USP9Y: variants seen among roughly 807,000 people sequenced by gnomAD.
USP9Y encodes ubiquitin specific peptidase 9 Y-linked.
USP9Y carries 41 observed loss-of-function variants against 53.1 expected under a neutral mutation model. The ratio of observed to expected loss-of-function variants is 0.77; its 90% CI spans 0.60 to 1.00. The LOEUF is 1.00. Among genes scored for constraint, USP9Y ranks in the 50% least tolerant of loss-of-function variants. The pLI is 0.00. For synonymous variants in USP9Y, 220 were observed against 173.7 expected (o/e 1.27, Z -2.09); for missense variants, 567 against 535.8 (o/e 1.06, Z -0.58).
rs58915173 is a variant in USP9Y at position 12,859,330 on chromosome Y, A to C, written c.7582A>C (p.Asn2528His). 6.8e-5 allele frequency: 27 copies of C among 396,116 alleles called. No homozygotes were observed. Among genetic ancestry groups the C allele is most frequent in the Middle Eastern group, 5.9e-4 (1 of 1,703 alleles). The change falls in exon 46 of 46, where the codon AAC (asparagine) becomes CAC (histidine). Residue 2528 changes from asparagine to histidine, a missense_variant. Transcript: ENST00000338981. ...TACAGGACCAGCAGCACATCACTTGAACAACCCTCAGAAAACAGGCCAACG... is the reference window on the plus strand; with the variant it reads ...TACAGGACCAGCAGCACATCACTTGCACAACCCTCAGAAAACAGGCCAACG... ...PYTGPAAHHL[N>H]NPQKTGQRTQ...
At chrY:12,845,258 A>G in intron 39 of USP9Y, among the ~76,000 whole-genome samples, 1 of 33,377 alleles carries the variant, frequency 3.0e-5, no homozygotes, top group Admixed American at 2.8e-4. Context: ...CGGCTGCTTT[A>G]TATTAGGGAA....
At chrY:12,852,391 G>C in intron 42 of USP9Y, among the ~76,000 whole-genome samples, 1 of 32,878 alleles carries the variant, frequency 3.0e-5, no homozygotes, top group Admixed American at 2.8e-4. Context: ...GGTTTTCACT[G>C]TTTATTCTAG....
intron 12 of USP9Y, among the ~76,000 whole-genome samples, chrY:12,754,631 C>A (rs2053466754): frequency 3.1e-5 from 1 of 32,635 alleles, no homozygotes; most frequent in Non-Finnish European, 7.5e-5. Context: ...TTCATGTCAT[C>A]GTAATGTAAT....
intron 35 of USP9Y, among the ~76,000 whole-genome samples, chrY:12,839,234 T>C (rs1016590941): frequency 3.0e-5 from 1 of 33,516 alleles, no homozygotes; most frequent in Non-Finnish European, 7.4e-5. Flanking sequence ...TTCATTAGCA[T>C]AAAAGAAAAC....
chrY:12,799,203 C>G (rs964031118), intron 27 of USP9Y, among the ~76,000 whole-genome samples: 1 of 32,715 alleles, frequency 3.1e-5, no homozygotes, highest in African/African-American at 1.2e-4. Context: ...GCCAGTTGAT[C>G]GGAGCCATCT....
In USP9Y at chrY:12,846,926, G is replaced by A; in HGVS notation, c.6755-7G>A. On this transcript the variant is annotated splice_polypyrimidine_tract_variant and splice_region_variant and intron_variant, in intron 40 of 45. Coordinates refer to ENST00000338981, the MANE Select transcript of USP9Y (RefSeq NM_004654.4). ...TTGGTTTTTCATTGATAACAAATCTGTTCTAGGTAATCCCCCTCTCCCCAA... is the reference window on the plus strand; with the variant it reads ...TTGGTTTTTCATTGATAACAAATCTATTCTAGGTAATCCCCCTCTCCCCAA... The A allele has an allele frequency of 2.6e-6, 1 of 380,324 alleles. No individual in the cohort carries two copies. The highest frequency in any genetic ancestry group is 3.7e-6 in the Non-Finnish European group (1 of 266,690). 94.9% of individuals were successfully genotyped at this position (380,324 alleles called of 400,897 possible).
chrY:12,737,102 G>A, intron 10 of USP9Y, among the ~76,000 whole-genome samples: 1 of 30,784 alleles, frequency 3.2e-5, no homozygotes, highest in Non-Finnish European at 7.8e-5. Context: ...AGCCTCCCAG[G>A]TAGCAGGGAT....
chrY:12,821,543 G>A, intron 33 of USP9Y, among the ~76,000 whole-genome samples: 3 of 32,775 alleles, frequency 9.2e-5, no homozygotes, highest in Admixed American at 5.7e-4. Flanking sequence ...CTAGAAATGC[G>A]GTTACTGGGT....
At position 12,776,630 on chromosome Y, in the gene USP9Y, A is replaced by G; in HGVS notation, c.2428-19A>G. 2.9e-6 allele frequency: 1 copy of G among 343,825 alleles called. No individual in the cohort carries two copies. The highest frequency in any genetic ancestry group is 4.3e-6 in the Non-Finnish European group (1 of 234,078). The allele number at this position is 343,825 out of a possible 400,897, so 85.8% of individuals were successfully genotyped here. A position where few individuals can be genotyped will look rare whatever the true frequency, so the allele number is the denominator to read the frequency against. On this transcript the variant is annotated intron_variant, in intron 18 of 45. Coordinates refer to ENST00000338981, the MANE Select transcript of USP9Y (RefSeq NM_004654.4). ...TTTGTAAACAACCTGGATTATCTGT[A>G]TTTGTCCATTATTTATAGGTGGTTA...
chrY:12,706,095 T>C (rs928133374), intron 1 of USP9Y, among the ~76,000 whole-genome samples: 18 of 33,501 alleles, frequency 5.4e-4, no homozygotes, highest in African/African-American at 2.1e-3. Flanking sequence ...CATTGGTATA[T>C]ATTCTGTATT....
At chrY:12,807,811 G>GT (rs2053526193) in intron 27 of USP9Y, among the ~76,000 whole-genome samples, 1 of 33,164 alleles carries the variant, frequency 3.0e-5, no homozygotes, top group African/African-American at 1.2e-4. Flanking sequence ...GTTGCAGTGT[G>GT]TTAACTCTGG....
chrY:12,828,203 T>C, intron 33 of USP9Y, among the ~76,000 whole-genome samples: 1 of 31,998 alleles, frequency 3.1e-5, no homozygotes, highest in Non-Finnish European at 7.6e-5. Context: ...AATAAAAAGT[T>C]TTTATTAAGA....
At chrY:12,847,637 C>A (rs2053568172) in intron 42 of USP9Y, among the ~76,000 whole-genome samples, 1 of 27,926 alleles carries the variant, frequency 3.6e-5, no homozygotes. Flanking sequence ...CCGCCCCCAC[C>A]CCCCGACAGG....
chrY:12,742,708 CT>C (rs2053457675), intron 12 of USP9Y, among the ~76,000 whole-genome samples: 1 of 33,404 alleles, frequency 3.0e-5, no homozygotes, highest in Non-Finnish European at 7.4e-5. Context: ...ATTTTTTATA[CT>C]AAGAAGATTG....
At chrY:12,824,279 A>C in intron 33 of USP9Y, among the ~76,000 whole-genome samples, 3 of 32,482 alleles carry the variant, frequency 9.2e-5, no homozygotes, top group Non-Finnish European at 2.3e-4. Context: ...TGTTTATGTA[A>C]AATTACACAG....
chrY:12,851,711 G>A, intron 42 of USP9Y, among the ~76,000 whole-genome samples: 1 of 32,827 alleles, frequency 3.0e-5, no homozygotes, highest in Admixed American at 2.8e-4. Flanking sequence ...AGGCAGGCCT[G>A]GTGGTGACAA....
Position 12,735,746 on chromosome Y carries a change from T to G in USP9Y, c.773+19T>G. 1 of 325,098 alleles carries G rather than the reference T, an allele frequency of 3.1e-6. No individual in the cohort carries two copies. The highest frequency in any genetic ancestry group is 4.6e-6 in the Non-Finnish European group (1 of 219,701). 81.1% of individuals were successfully genotyped at this position (325,098 alleles called of 400,897 possible). On this transcript the variant is annotated intron_variant, in intron 8 of 45. Coordinates refer to ENST00000338981, the MANE Select transcript of USP9Y (RefSeq NM_004654.4). ...TTATTAAGTAAGTTATGTTTTCATG[T>G]TTGTTAAATAATTTCATGTTTGTTC...
intron 34 of USP9Y, among the ~76,000 whole-genome samples, chrY:12,836,802 A>T: frequency 3.0e-5 from 1 of 33,135 alleles, no homozygotes; most frequent in Non-Finnish European, 7.4e-5. Context: ...GGTTCAAGTG[A>T]TTCACCTGCC....
chrY:12,781,301 A>G (rs2053498337), intron 22 of USP9Y, among the ~76,000 whole-genome samples: 1 of 34,201 alleles, frequency 2.9e-5, no homozygotes, highest in Non-Finnish European at 7.3e-5. Context: ...GCAATTAAAA[A>G]TACATTATTG....
Sources: allele counts gnomAD v4.1 joint callset (sites outside exome capture counted in the v4.1 genomes callset), GRCh38; gene constraint gnomAD v4.1.1; transcripts MANE v1.5; gene names NCBI Gene and HGNC (gene_info 2026-07-23, HGNC 2026-07-21).